The following EFCAB13 variants were observed in gnomAD, a reference collection of about 807,000 sequenced individuals.
EFCAB13 encodes EF-hand calcium-binding domain-containing protein 13.
EFCAB13 carries 91 observed loss-of-function variants against 110.2 expected under a neutral mutation model. The ratio of observed to expected loss-of-function variants is 0.83; its 90% CI spans 0.70 to 0.98. The LOEUF (loss-of-function observed/expected upper bound fraction) is 0.98. Among genes scored for constraint, EFCAB13 ranks in the 50% least tolerant of loss-of-function variants. EFCAB13 has a pLI of 0.00. For missense variants in EFCAB13, 968 were observed against 1,119.4 expected (o/e 0.86, Z 1.93); for synonymous variants, 323 against 369.9 (o/e 0.87, Z 1.45).
intron 15 of EFCAB13, 42 bp downstream of exon 15, chr17:47,391,622 G>C: frequency 6.7e-7 from 1 of 1,483,230 alleles, no homozygotes; most frequent in South Asian, 1.5e-5. Context: ...GACACATCTG[G>C]AAGGAGGGTC....
intron 15 of EFCAB13, 104 bp from the exon 16 acceptor site, chr17:47,393,921 A>G: frequency 1.8e-6 from 1 of 568,978 alleles, no homozygotes. Flanking sequence ...TACCTGATGG[A>G]TATAATTATA....
intron 11 of EFCAB13, among the ~76,000 whole-genome samples, chr17:47,372,479 T>C (rs758291306): frequency 2.5e-4 from 38 of 152,226 alleles, no homozygotes; most frequent in Admixed American, 8.5e-4. Context: ...GTAAGTGAAG[T>C]GCACACCACC....
intron 2 of EFCAB13, among the ~76,000 whole-genome samples, 197 bp from the exon 3 acceptor site, chr17:47,326,029 A>G (rs557631070): frequency 2.0e-5 from 3 of 149,066 alleles, no homozygotes; most frequent in East Asian, 2.0e-4. Flanking sequence ...CACACTAAGC[A>G]TGCAGACATA....
chr17:47,364,747 T>G (rs564277350), intron 10 of EFCAB13, among the ~76,000 whole-genome samples: 1 of 152,376 alleles, frequency 6.6e-6, no homozygotes, highest in Non-Finnish European at 1.5e-5. Flanking sequence ...GGTCTGATCA[T>G]GTTATTCTCC....
chr17:47,423,741 G>T (rs554590666), intron 23 of EFCAB13, among the ~76,000 whole-genome samples: 1 of 152,052 alleles, frequency 6.6e-6, no homozygotes, highest in South Asian at 2.1e-4. Flanking sequence ...GTTCCCGGGC[G>T]CACGGCGGCG....
At position 47,391,423 on chromosome 17, in the gene EFCAB13, T is replaced by G. The variant is rs769076169; in HGVS notation, c.1583-14T>G. 6.5e-7 allele frequency: 1 copy of G among 1,529,094 alleles called. No individual in the cohort carries two copies. Among genetic ancestry groups the G allele is most frequent in the South Asian group, 1.3e-5 (1 of 74,100 alleles). 94.7% of individuals were successfully genotyped at this position (1,529,094 alleles called of 1,614,324 possible). The stretch of plus-strand genomic sequence containing the variant: ...TTATATTTAATACTTATTAGCATAC[T>G]CCTTTATTTTTAGCGTTGCCTGGTG... On this transcript the variant is annotated splice_polypyrimidine_tract_variant and intron_variant, in intron 14 of 24. Coordinates refer to ENST00000331493, the MANE Select transcript of EFCAB13 (RefSeq NM_152347.5).
At chr17:47,326,417 T>G (rs1015106280) in intron 3 of EFCAB13, 30 bp downstream of exon 3, 1 of 152,128 alleles carries the variant, frequency 6.6e-6, no homozygotes, top group Non-Finnish European at 1.5e-5. Flanking sequence ...GGGAATTTGT[T>G]CATTCATCCC....
chr17:47,376,251 T>C (rs1316496919), intron 12 of EFCAB13, among the ~76,000 whole-genome samples: 1 of 152,222 alleles, frequency 6.6e-6, no homozygotes, highest in Non-Finnish European at 1.5e-5. Flanking sequence ...ATCATCCTGA[T>C]TCTGATTCCT....
At position 47,429,905 on chromosome 17, in the gene EFCAB13, A is replaced by G. The variant is rs370963342; in HGVS notation, c.2582A>G (p.Asp861Gly). 2 of 1,613,018 alleles carry G rather than the reference A, an allele frequency of 1.2e-6. No homozygotes were observed. The highest frequency in any genetic ancestry group is 1.3e-5 in the African/African-American group (1 of 74,880). The change falls in exon 24 of 25, where the codon GAC becomes GGC. Residue 861 changes from aspartate to glycine, a missense_variant. Asp to Gly is a moderately conservative substitution (Grantham distance 94, BLOSUM62 -1). Transcript: ENST00000331493. ...SDLKTLLMDK[D>G]LHTANAILTV... ...CTCAAGACATTATTGATGGACAAGG[A>G]CCTTCATACAGCTAATGCTATACTT...
At chr17:47,335,618 C>T (rs1050016576) in intron 5 of EFCAB13, among the ~76,000 whole-genome samples, 4 of 152,086 alleles carry the variant, frequency 2.6e-5, no homozygotes, top group Non-Finnish European at 5.9e-5. Context: ...CTTGAGACTA[C>T]GTAATTTATA....
rs889770107 is a variant in EFCAB13, at chr17:47,431,769, G to A, written c.2638+1808G>A. 2.6e-5 allele frequency among the ~76,000 whole-genome samples: 4 copies of A among 152,066 alleles called. No individual in the cohort carries two copies. Among genetic ancestry groups the A allele is most frequent in the Non-Finnish European group, 5.9e-5 (4 of 68,010 alleles). On this transcript the variant is annotated intron_variant, in intron 24 of 24. Coordinates refer to ENST00000331493, the MANE Select transcript of EFCAB13 (RefSeq NM_152347.5). The surrounding 1 kb of genome is among the most constrained non-coding windows in gnomAD (Gnocchi z 4.1). ...TTGGGTGAGAGTGTTCTATATATTA[G>A]ATCAGATTTATTGTCAAATTCAAAT...
At chr17:47,384,426 GT>G (rs776025324) in intron 14 of EFCAB13, among the ~76,000 whole-genome samples, 1,979 of 139,464 alleles carry the variant, frequency 0.014, 15 homozygotes, top group Non-Finnish European at 0.021. Context: ...ATATACGACT[GT>G]TTTTTTTTTT....
At chr17:47,325,859 A>G (rs942054253) in intron 2 of EFCAB13, among the ~76,000 whole-genome samples, 1 of 120,452 alleles carries the variant, frequency 8.3e-6, no homozygotes, top group Non-Finnish European at 1.8e-5. Flanking sequence ...TTTCTATTTT[A>G]TTATTTCACT....
At chr17:47,394,184 C>T in intron 16 of EFCAB13, 85 bp downstream of exon 16, 1 of 789,870 alleles carries the variant, frequency 1.3e-6, no homozygotes, top group East Asian at 3.0e-5. Flanking sequence ...CTTTTAGTCT[C>T]TTATAGAGCT....
intron 20 of EFCAB13, among the ~76,000 whole-genome samples, chr17:47,408,901 C>T (rs567369453): frequency 6.6e-6 from 1 of 152,236 alleles, no homozygotes; most frequent in South Asian, 2.1e-4. Flanking sequence ...TTCAGCAATC[C>T]TGTTTAGAGT....
chr17:47,358,557 G>C (rs960075141), intron 9 of EFCAB13, among the ~76,000 whole-genome samples: 1 of 152,052 alleles, frequency 6.6e-6, no homozygotes, highest in African/African-American at 2.4e-5. Flanking sequence ...TCATATTCTG[G>C]CTATTAATCC....
At chr17:47,402,039 G>C (rs1014431184) in intron 17 of EFCAB13, 93 bp from the exon 18 acceptor site, 1 of 862,468 alleles carries the variant, frequency 1.2e-6, no homozygotes. Context: ...ATTCTTAGGA[G>C]TGCATCAAAT....
At chr17:47,413,278 T>A (rs1348232974) in intron 22 of EFCAB13, among the ~76,000 whole-genome samples, 1 of 152,184 alleles carries the variant, frequency 6.6e-6, no homozygotes, top group Non-Finnish European at 1.5e-5. Flanking sequence ...CCATTTTGAT[T>A]TTTAACCAAA....
At chr17:47,399,274 A>G (rs1006224138) in intron 17 of EFCAB13, among the ~76,000 whole-genome samples, 2 of 152,338 alleles carry the variant, frequency 1.3e-5, no homozygotes, top group Admixed American at 6.5e-5. Flanking sequence ...AGATTTTACA[A>G]TTTAAGCCTA....
Sources: allele counts gnomAD v4.1 joint callset (sites outside exome capture counted in the v4.1 genomes callset), GRCh38; gene constraint gnomAD v4.1.1; non-coding constraint Gnocchi (gnomAD v3.1); transcripts MANE v1.5; gene names NCBI Gene and HGNC (gene_info 2026-07-23, HGNC 2026-07-21).